The following KIRREL3 variants were observed in gnomAD, a reference collection of about 807,000 sequenced individuals.
KIRREL3 encodes kin of IRRE-like protein 3.
In KIRREL3, 36 loss-of-function variants were observed where a neutral mutation model predicts 89.7. The ratio of observed to expected loss-of-function variants is 0.40; its 90% CI spans 0.31 to 0.53. The LOEUF (loss-of-function observed/expected upper bound fraction) is 0.53, where lower values mean the gene tolerates loss of function less well. KIRREL3 is among the 20% of genes least tolerant of loss of function. The pLI is 0.49. For synonymous variants in KIRREL3, 445 were observed against 441.4 expected, an observed-to-expected ratio of 1.01 and a Z score of -0.10; for missense variants, 864 against 1,056.6, an observed-to-expected ratio of 0.82 and a Z score of 2.53.
In KIRREL3 at chr11:126,443,583, G is replaced by T. The variant is rs563651362; in HGVS notation, c.1252+1396C>A. On this transcript the variant is annotated intron_variant, in intron 10 of 16. Coordinates refer to ENST00000525144, the MANE Select transcript of KIRREL3 (RefSeq NM_032531.4). This position sits in a 1 kb window ranked among gnomAD's most constrained non-coding sequence, Gnocchi z 7.3. The stretch of plus-strand genomic sequence containing the variant: ...TTGGGGGCTGCCACGACTCTGGGGT[G>T]GGGGGAGAGGAATGGAAATGCGGGG... Among the ~76,000 whole-genome samples the T allele has an allele frequency of 6.6e-6, 1 of 152,066 alleles. No homozygotes were observed. The highest frequency in any genetic ancestry group is 1.5e-5 in the Non-Finnish European group (1 of 68,000).
chr11:126,928,492 A>G (rs1947810228), intron 1 of KIRREL3, among the ~76,000 whole-genome samples: 1 of 152,238 alleles, frequency 6.6e-6, no homozygotes, highest in East Asian at 1.9e-4. Context: ...AAATTAGTGT[A>G]GGGAATGAAC....
rs912194102 is a variant in KIRREL3, at chr11:126,491,347, A to C, written c.434-17881T>G. ...CGTGCTGGCTCTGAGCGGGTGCTTT[A>C]TTGTGTGATGGGTGGGGACACTTGC... On this transcript the variant is annotated intron_variant, in intron 4 of 16. Transcript: ENST00000525144. This position sits in a 1 kb window ranked among gnomAD's most constrained non-coding sequence, Gnocchi z 5.5. Among the ~76,000 whole-genome samples, 1 of 152,148 alleles carries C rather than the reference A, an allele frequency of 6.6e-6. No homozygotes were observed. The highest frequency in any genetic ancestry group is 1.5e-5 in the Non-Finnish European group (1 of 68,010).
At chr11:126,899,829 G>C (rs1226400719) in intron 1 of KIRREL3, among the ~76,000 whole-genome samples, 1 of 152,158 alleles carries the variant, frequency 6.6e-6, no homozygotes, top group Non-Finnish European at 1.5e-5. Flanking sequence ...CTCAAACCTG[G>C]TCAAAAATGT....
In KIRREL3 at chr11:126,609,449, C is replaced by T. The variant is rs1052281098; in HGVS notation, c.56-46537G>A. The stretch of plus-strand genomic sequence containing the variant: ...TCCTGCCTCGGGACATGTATGAGGA[C>T]GGTCTCCTTTGCAGCCTACCTGAAG... On this transcript the variant is annotated intron_variant, in intron 1 of 16. Transcript: ENST00000525144. This position sits in a 1 kb window ranked among gnomAD's most constrained non-coding sequence, Gnocchi z 5.0. Among the ~76,000 whole-genome samples, 3 of 152,154 alleles carry T rather than the reference C, an allele frequency of 2.0e-5. No individual in the cohort carries two copies. The highest frequency in any genetic ancestry group is 4.4e-5 in the Non-Finnish European group (3 of 68,034).
intron 1 of KIRREL3, among the ~76,000 whole-genome samples, chr11:126,853,255 T>C (rs1944399971): frequency 6.6e-6 from 1 of 152,232 alleles, no homozygotes; most frequent in Non-Finnish European, 1.5e-5. Flanking sequence ...TTTTCAAATG[T>C]AAATTAAGCA....
rs1331596285 is a variant in KIRREL3 at position 126,571,544 on chromosome 11, C to G, written c.56-8632G>C. ...CTGATTGCTTATGCTTCATTAGTCT[C>G]TGGGCTGAGCACTTTGCATGCCTTA... is the stretch of plus-strand genomic sequence containing the variant. On this transcript the variant is annotated intron_variant, in intron 1 of 16. Transcript: ENST00000525144. The surrounding 1 kb of genome is among the most constrained non-coding windows in gnomAD (Gnocchi z 7.7). Among the ~76,000 whole-genome samples the G allele has an allele frequency of 2.6e-5, 4 of 152,220 alleles. No homozygotes were observed. Among genetic ancestry groups the G allele is most frequent in the Non-Finnish European group, 5.9e-5 (4 of 68,040 alleles).
chr11:126,831,209 G>A (rs1205704946), intron 1 of KIRREL3, among the ~76,000 whole-genome samples: 1 of 152,174 alleles, frequency 6.6e-6, no homozygotes, highest in East Asian at 1.9e-4. Flanking sequence ...GTTGGCTTAG[G>A]CTCAATTTTG....
Position 126,900,356 on chromosome 11 carries a change from T to G in KIRREL3, c.55+100099A>C, listed in dbSNP as rs753020807. Among the ~76,000 whole-genome samples the G allele has an allele frequency of 1.3e-5, 2 of 152,166 alleles. No homozygotes were observed. The highest frequency in any genetic ancestry group is 2.9e-5 in the Non-Finnish European group (2 of 68,028). ...TCCTTGAGTGCAAGCAGTTCCGGCT[T>G]GTGAGAAATTCAGAGAAGTCTAGAA... On this transcript the variant is annotated intron_variant, in intron 1 of 16. Transcript: ENST00000525144. This position sits in a 1 kb window ranked among gnomAD's most constrained non-coding sequence, Gnocchi z 4.4.
intron 1 of KIRREL3, among the ~76,000 whole-genome samples, chr11:126,603,910 C>T (rs1277974255): frequency 6.6e-6 from 1 of 152,200 alleles, no homozygotes; most frequent in Admixed American, 6.5e-5. Flanking sequence ...CTCCCACTAG[C>T]CCCGAGGCTG....
intron 1 of KIRREL3, among the ~76,000 whole-genome samples, chr11:126,630,961 C>A (rs1943994939): frequency 6.6e-6 from 1 of 152,178 alleles, no homozygotes; most frequent in African/African-American, 2.4e-5. Flanking sequence ...GACAGAGGCC[C>A]TTTCTCCTTG....
chr11:126,478,205 T>C (rs1957120078), intron 4 of KIRREL3, among the ~76,000 whole-genome samples: 1 of 152,238 alleles, frequency 6.6e-6, no homozygotes, highest in Admixed American at 6.5e-5. Context: ...TTCCTCACTC[T>C]GCTGGCTCTT....
At chr11:126,809,589 A>G (rs1012167900) in intron 1 of KIRREL3, among the ~76,000 whole-genome samples, 1 of 152,224 alleles carries the variant, frequency 6.6e-6, no homozygotes, top group African/African-American at 2.4e-5. Flanking sequence ...CAGTAACTTT[A>G]TTTGAGAGCT....
intron 1 of KIRREL3, among the ~76,000 whole-genome samples, chr11:126,660,810 A>G (rs1945364883): frequency 6.6e-6 from 1 of 152,220 alleles, no homozygotes; most frequent in African/African-American, 2.4e-5. Flanking sequence ...TCCAAGACCA[A>G]TAAAAGATGC....
rs1282589484 is a variant in KIRREL3 at position 126,668,162 on chromosome 11, G to T, written c.56-105250C>A. 6.6e-6 allele frequency among the ~76,000 whole-genome samples: 1 copy of T among 152,204 alleles called. No homozygotes were observed. Among genetic ancestry groups the T allele is most frequent in the African/African-American group, 2.4e-5 (1 of 41,448 alleles). ...TTTCTTACAGATCTAGAGGCTGAAA[G>T]ATCAAGATCAAGGTGATGGCAGATT... On this transcript the variant is annotated intron_variant, in intron 1 of 16. Coordinates refer to ENST00000525144, the MANE Select transcript of KIRREL3 (RefSeq NM_032531.4). The surrounding 1 kb of genome is among the most constrained non-coding windows in gnomAD (Gnocchi z 4.4).
chr11:126,952,983 G>A (rs555585001), intron 1 of KIRREL3, among the ~76,000 whole-genome samples: 3 of 152,218 alleles, frequency 2.0e-5, no homozygotes, highest in African/African-American at 7.2e-5. Flanking sequence ...CCATTACTGG[G>A]TATATACCCA....
At chr11:126,447,780 G>A (rs997143979) in intron 8 of KIRREL3, among the ~76,000 whole-genome samples, 1 of 152,202 alleles carries the variant, frequency 6.6e-6, no homozygotes, top group Admixed American at 6.5e-5. Flanking sequence ...AGGAGACTGC[G>A]ATTAGTCCCC....
intron 1 of KIRREL3, among the ~76,000 whole-genome samples, chr11:126,914,780 C>T (rs1427157790): frequency 6.6e-6 from 1 of 152,220 alleles, no homozygotes; most frequent in Non-Finnish European, 1.5e-5. Context: ...TTATGCAGAG[C>T]AAGTAACACA....
chr11:126,968,379 A>G (rs919120177), intron 1 of KIRREL3, among the ~76,000 whole-genome samples: 5 of 152,226 alleles, frequency 3.3e-5, no homozygotes, highest in Admixed American at 3.3e-4. Context: ...GAAGAAAAGA[A>G]GGAAAGGCTA....
intron 1 of KIRREL3, among the ~76,000 whole-genome samples, chr11:126,688,589 G>C (rs1182331999): frequency 6.6e-6 from 1 of 152,136 alleles, no homozygotes; most frequent in Admixed American, 6.5e-5. Context: ...AGAATGATTG[G>C]CACTTTTGAG....
Sources: gnomAD v4.1 joint callset for allele counts (sites outside exome capture counted in the v4.1 genomes callset) on GRCh38, gnomAD v4.1.1 for gene constraint, Gnocchi (gnomAD v3.1) non-coding constraint, MANE v1.5 for transcripts, NCBI Gene and HGNC (gene_info 2026-07-23, HGNC 2026-07-21) for gene names.